ANK2: variants seen among roughly 807,000 people sequenced by gnomAD.
ANK2 encodes the protein ankyrin 2.
In ANK2, 83 loss-of-function variants were observed where a neutral mutation model predicts 360.5. The observed-to-expected ratio is 0.23, with a 90% CI of 0.19 to 0.28. The LOEUF is 0.28. ANK2 is among the 10% of genes least tolerant of loss of function. The pLI is 1.00. For missense variants in ANK2, 4,201 were observed against 4,795.7 expected (o/e 0.88, Z 3.66); for synonymous variants, 1,740 against 1,759.5 (o/e 0.99, Z 0.28).
intron 1 of ANK2, chr4:112,904,434 TTC>T (rs2084512548): frequency 7.8e-7 from 1 of 1,275,870 alleles, no homozygotes; most frequent in Non-Finnish European, 1.1e-6. Context: ...TTCTAATATT[TTC>T]TCTTTTTTAT....
intron 1 of ANK2, among the ~76,000 whole-genome samples, chr4:112,863,823 A>G (rs575121332): frequency 1.3e-4 from 20 of 151,988 alleles, no homozygotes; most frequent in Non-Finnish European, 2.9e-4. Context: ...CGCCCGGCCT[A>G]GAGTGTCTTT....
At chr4:112,904,582 TTAAG>T (rs1330313420) in intron 2 of ANK2, 1 of 1,212,096 alleles carries the variant, frequency 8.3e-7, no homozygotes, top group African/African-American at 1.6e-5. Flanking sequence ...TAGAATGTAA[TTAAG>T]TACTATTTTG....
chr4:113,227,872 C>G (rs2099243950), intron 4 of ANK2, among the ~76,000 whole-genome samples: 1 of 152,182 alleles, frequency 6.6e-6, no homozygotes, highest in Non-Finnish European at 1.5e-5. Flanking sequence ...AACTGAGGCA[C>G]TATTAATAAT....
intron 21 of ANK2, chr4:113,293,227 C>T: frequency 1.5e-6 from 1 of 681,822 alleles, no homozygotes; most frequent in Non-Finnish European, 2.7e-6. Context: ...CAAGCAGATG[C>T]AAGCTTGTTG....
chr4:112,975,697 TC>T (rs2041142045), intron 2 of ANK2, among the ~76,000 whole-genome samples: 2 of 152,196 alleles, frequency 1.3e-5, no homozygotes, highest in Admixed American at 1.3e-4. Flanking sequence ...AGTCCTCCAT[TC>T]CTTTCTTTTT....
chr4:113,156,700 T>C (rs1583296142), intron 1 of ANK2, among the ~76,000 whole-genome samples: 1 of 151,912 alleles, frequency 6.6e-6, no homozygotes, highest in East Asian at 1.9e-4. Context: ...CACATCAAAA[T>C]ATGCAGTGTT....
chr4:113,097,399 T>C (rs1260290963), intron 1 of ANK2, among the ~76,000 whole-genome samples: 3 of 152,094 alleles, frequency 2.0e-5, no homozygotes, highest in Admixed American at 1.3e-4. Flanking sequence ...TTATACTCTG[T>C]AAGGTAGATT....
At chr4:113,204,115 G>T (rs1456703673) in intron 4 of ANK2, among the ~76,000 whole-genome samples, 1 of 151,860 alleles carries the variant, frequency 6.6e-6, no homozygotes, top group African/African-American at 2.4e-5. Flanking sequence ...TCATATAAGA[G>T]AATTTTTTCT....
chr4:112,709,045 A>C, the ANK2 span, among the ~76,000 whole-genome samples: 2 of 152,232 alleles, frequency 1.3e-5, no homozygotes, highest in Non-Finnish European at 2.9e-5. Context: ...GAGAAGGACA[A>C]GGAAAAATGA....
chr4:112,898,408 T>C (rs757355450), intron 1 of ANK2, among the ~76,000 whole-genome samples: 1 of 152,158 alleles, frequency 6.6e-6, no homozygotes, highest in Non-Finnish European at 1.5e-5. Flanking sequence ...TGGTTAAGTA[T>C]ATTGTGGGAT....
chr4:113,262,518 C>T (rs919109726), intron 13 of ANK2, among the ~76,000 whole-genome samples: 3 of 152,180 alleles, frequency 2.0e-5, no homozygotes, highest in Non-Finnish European at 2.9e-5. Flanking sequence ...GCTTGAGCCA[C>T]TGCAACTGGT....
chr4:113,105,219 C>G lies in ANK2; in HGVS notation c.84+55407C>G, dbSNP rs1385661. Among the ~76,000 whole-genome samples the G allele has an allele frequency of 1.8e-3, 268 of 152,202 alleles. 1 individual carries two copies. The highest frequency in any genetic ancestry group is 6.1e-3 in the African/African-American group (255 of 41,550). On this transcript the variant is annotated intron_variant, in intron 1 of 45. Coordinates refer to ENST00000357077, the MANE Select transcript of ANK2 (RefSeq NM_001148.6). ...CTAGGTTGGAATTATAATTAGACAT[C>G]AAAGTTTAAACTTTTTTATCTGAAC...
At chr4:112,822,997 T>A (rs1286483223) in intron 1 of ANK2, among the ~76,000 whole-genome samples, 1 of 152,208 alleles carries the variant, frequency 6.6e-6, no homozygotes, top group Non-Finnish European at 1.5e-5. Flanking sequence ...AGAATGCCCA[T>A]CTGTTAATTA....
chr4:112,819,346 A>T (rs1490599667), intron 1 of ANK2, among the ~76,000 whole-genome samples: 1 of 152,208 alleles, frequency 6.6e-6, no homozygotes, highest in Admixed American at 6.5e-5. Context: ...GTCTTTAAGC[A>T]TTGGAAAATC....
At position 113,289,368 on chromosome 4, in the gene ANK2, C is replaced by T. The variant is rs561574181; in HGVS notation, c.2277+882C>T. Among the ~76,000 whole-genome samples, 6 of 151,930 alleles carry T rather than the reference C, an allele frequency of 3.9e-5. No homozygotes were observed. In the East Asian group the frequency reaches 5.8e-4, roughly 15 times the overall value. ...GACTATAGGTGCATGACACCATGCCCGGCTAATTTTTAAAAGTTTTTGTAG... is the reference window on the plus strand; with the variant it reads ...GACTATAGGTGCATGACACCATGCCTGGCTAATTTTTAAAAGTTTTTGTAG... On this transcript the variant is annotated intron_variant, in intron 20 of 45. Coordinates refer to ENST00000357077, the MANE Select transcript of ANK2 (RefSeq NM_001148.6).
the ANK2 span, among the ~76,000 whole-genome samples, chr4:112,709,547 G>A: frequency 3.3e-5 from 5 of 152,092 alleles, no homozygotes; most frequent in South Asian, 1.0e-3. Context: ...TCCGGAGTTC[G>A]AGACCAGCCT....
chr4:112,935,402 G>A (rs137989210), intron 2 of ANK2, among the ~76,000 whole-genome samples: 121 of 152,248 alleles, frequency 7.9e-4, no homozygotes, highest in African/African-American at 2.8e-3. Context: ...TTCTGATGGG[G>A]CAGGCATAGT....
chr4:112,883,181 G>C (rs2077266400), intron 1 of ANK2, among the ~76,000 whole-genome samples: 1 of 151,684 alleles, frequency 6.6e-6, no homozygotes, highest in Non-Finnish European at 1.5e-5. Flanking sequence ...TGGGATTATA[G>C]GCACCCACCA....
chr4:113,198,527 T>A (rs550136119), intron 3 of ANK2, among the ~76,000 whole-genome samples: 2 of 152,292 alleles, frequency 1.3e-5, no homozygotes, highest in Admixed American at 1.3e-4. Context: ...ATTTTTCTTA[T>A]TCCCAACATA....
Sources: allele counts gnomAD v4.1 joint callset (sites outside exome capture counted in the v4.1 genomes callset), GRCh38; gene constraint gnomAD v4.1.1; transcripts MANE v1.5; gene names NCBI Gene and HGNC (gene_info 2026-07-23, HGNC 2026-07-21).